LRRIQ1: variants seen among roughly 807,000 people sequenced by gnomAD.
The protein encoded by LRRIQ1 is leucine-rich repeat- and IQ domain-containing protein 1.
Under a neutral mutation model 211.9 loss-of-function variants are expected in LRRIQ1, and 210 were observed. The observed-to-expected ratio is 0.99, with a 90% CI of 0.89 to 1.11. LRRIQ1 has a LOEUF of 1.11. LRRIQ1 is among the 50% of genes most tolerant of loss of function. The pLI, the probability that LRRIQ1 is intolerant of heterozygous loss-of-function variation, is 0.00. For synonymous variants in LRRIQ1, 699 were observed against 650.1 expected (o/e 1.08, Z -1.14); for missense variants, 2,136 against 1,939.5 (o/e 1.10, Z -1.90).
intron 11 of LRRIQ1, among the ~76,000 whole-genome samples, chr12:85,079,582 T>C (rs866258982): frequency 2.0e-5 from 3 of 152,116 alleles, no homozygotes; most frequent in African/African-American, 7.2e-5. Context: ...TTGTCTCTTT[T>C]TTGTAACACG....
intron 15 of LRRIQ1, among the ~76,000 whole-genome samples, chr12:85,117,148 T>C (rs1887641370): frequency 6.6e-6 from 1 of 152,214 alleles, no homozygotes; most frequent in South Asian, 2.1e-4. Context: ...GCCTTGAATT[T>C]CTTTCTTGAG....
chr12:85,263,714 GGT>G (rs1896360891), exon 2 of LRRIQ1: 1 of 151,580 alleles, frequency 6.6e-6, no homozygotes, highest in African/African-American at 2.4e-5. Context: ...TGCTAATTTT[GGT>G]TCATTTACAT....
At chr12:85,129,601 G>A (rs949272786) in intron 18 of LRRIQ1, among the ~76,000 whole-genome samples, 9 of 152,128 alleles carry the variant, frequency 5.9e-5, no homozygotes, top group African/African-American at 2.2e-4. Context: ...GAGAGACTTA[G>A]CCATTCGATA....
At chr12:85,107,462 A>C (rs1329705759) in intron 15 of LRRIQ1, among the ~76,000 whole-genome samples, 2 of 151,596 alleles carry the variant, frequency 1.3e-5, no homozygotes, top group Non-Finnish European at 2.9e-5. Context: ...TGATTTTAAG[A>C]TTTTCTCTTG....
chr12:85,101,953 G>T (rs997020453), intron 13 of LRRIQ1, among the ~76,000 whole-genome samples: 1 of 150,944 alleles, frequency 6.6e-6, no homozygotes, highest in Admixed American at 6.6e-5. Context: ...GAGATACTCT[G>T]AAAAAAGAAA....
intron 26 of LRRIQ1, among the ~76,000 whole-genome samples, chr12:85,244,143 C>T (rs1028246999): frequency 6.6e-6 from 1 of 151,428 alleles, no homozygotes; most frequent in African/African-American, 2.4e-5. Flanking sequence ...ATTTTTGGCA[C>T]TTAGATTCGG....
intron 17 of LRRIQ1, among the ~76,000 whole-genome samples, chr12:85,127,440 A>G (rs1012347549): frequency 6.6e-6 from 1 of 152,110 alleles, no homozygotes; most frequent in African/African-American, 2.4e-5. Flanking sequence ...TAATTTCTCC[A>G]CAAGGAATAG....
intron 24 of LRRIQ1, among the ~76,000 whole-genome samples, chr12:85,217,502 ATATATATGTGTGTGTGTGTGTGTG>A (rs1485498270): frequency 3.8e-5 from 3 of 78,056 alleles, no homozygotes; most frequent in African/African-American, 2.0e-4. Context: ...GTATATATAT[ATATATATGTGTGTGTGTGTGTGTG>A]TGTGTGTGTG....
intron 15 of LRRIQ1, among the ~76,000 whole-genome samples, chr12:85,120,338 C>G (rs1421779012): frequency 1.3e-5 from 2 of 152,106 alleles, no homozygotes; most frequent in South Asian, 2.1e-4. Flanking sequence ...AAGATCAGTT[C>G]GCTATATTTG....
At chr12:85,170,041 A>G (rs141719035) in intron 24 of LRRIQ1, among the ~76,000 whole-genome samples, 4 of 152,246 alleles carry the variant, frequency 2.6e-5, no homozygotes, top group African/African-American at 9.6e-5. Context: ...TGATTAGAGA[A>G]TTTGGTCCAG....
intron 24 of LRRIQ1, among the ~76,000 whole-genome samples, chr12:85,174,716 A>AAAAAAAAAAAAAAAAAAAC (rs1891600852): frequency 6.7e-6 from 1 of 149,586 alleles, no homozygotes; most frequent in African/African-American, 2.5e-5. Context: ...AAAAAAAAAA[A>AAAAAAAAAAAAAAAAAAAC]AAAAAAATCT....
At position 85,212,949 on chromosome 12, in the gene LRRIQ1, A is replaced by G. The variant is rs557669431; in HGVS notation, c.4823-16568A>G. Reference sequence around the variant, plus strand: ...AATATGGAGTCAAGAAAGTAAAAAAAAAATAACACAGTACAGATGGCATAT... The same window carrying G: ...AATATGGAGTCAAGAAAGTAAAAAAGAAATAACACAGTACAGATGGCATAT... On this transcript the variant is annotated intron_variant, in intron 24 of 26. Coordinates refer to ENST00000393217, the MANE Select transcript of LRRIQ1 (RefSeq NM_001079910.2). Among the ~76,000 whole-genome samples, 9 of 151,638 alleles carry G rather than the reference A, an allele frequency of 5.9e-5. No individual in the cohort carries two copies. In the East Asian group the frequency reaches 1.7e-3, roughly 29 times the overall value.
chr12:85,122,749 A>G (rs1320753684), intron 16 of LRRIQ1, among the ~76,000 whole-genome samples: 1 of 152,110 alleles, frequency 6.6e-6, no homozygotes, highest in East Asian at 1.9e-4. Flanking sequence ...ATCATTAAAA[A>G]TAATTTCAAT....
chr12:85,099,739 C>T (rs962599595), intron 13 of LRRIQ1, among the ~76,000 whole-genome samples: 2 of 151,700 alleles, frequency 1.3e-5, no homozygotes, highest in Non-Finnish European at 3.0e-5. Context: ...TCACAAAACA[C>T]ACGAATAAGG....
intron 8 of LRRIQ1, among the ~76,000 whole-genome samples, chr12:85,063,675 C>T (rs1270345247): frequency 6.6e-6 from 1 of 151,470 alleles, no homozygotes; most frequent in Non-Finnish European, 1.5e-5. Flanking sequence ...ATCATCTCCA[C>T]TTCCCTCAAC....
At chr12:85,204,712 T>G (rs114953939) in intron 24 of LRRIQ1, among the ~76,000 whole-genome samples, 21,970 of 152,030 alleles carry the variant, frequency 0.14, 3,148 homozygotes, top group African/African-American at 0.37. Context: ...GGAATGATTG[T>G]ATTTTCCCAA....
chr12:85,217,508 A>ATGTGTGTG (rs370971727), intron 24 of LRRIQ1, among the ~76,000 whole-genome samples: 64 of 64,250 alleles, frequency 1.0e-3, no homozygotes, highest in Non-Finnish European at 1.2e-3. Context: ...ATATATATAT[A>ATGTGTGTG]TGTGTGTGTG....
At position 85,082,544 on chromosome 12, in the gene LRRIQ1, T is replaced by A. The variant is rs796362933; in HGVS notation, c.2887+9446T>A. ...TATGTGTGATATATTTATTTTTATA[T>A]CCTTGACTCTAGGCTTCATGTTGCC... On this transcript the variant is annotated intron_variant, in intron 11 of 26. Transcript: ENST00000393217. 5.3e-5 allele frequency among the ~76,000 whole-genome samples: 8 copies of A among 152,320 alleles called. 1 individual carries two copies. The highest frequency in any genetic ancestry group is 1.9e-4 in the African/African-American group (8 of 41,578).
intron 10 of LRRIQ1, among the ~76,000 whole-genome samples, chr12:85,070,609 TTCTC>T (rs760138485): frequency 7.3e-5 from 11 of 151,628 alleles, no homozygotes; most frequent in Non-Finnish European, 1.6e-4. Context: ...TGTTCTACCT[TTCTC>T]TCTCTCTCTC....
Sources: gnomAD v4.1 joint callset for allele counts (sites outside exome capture counted in the v4.1 genomes callset) on GRCh38, gnomAD v4.1.1 for gene constraint, MANE v1.5 for transcripts, NCBI Gene and HGNC (gene_info 2026-07-23, HGNC 2026-07-21) for gene names.